LAMA2: variants seen among roughly 807,000 people sequenced by gnomAD.
LAMA2 encodes laminin subunit alpha 2, also known as laminin subunit alpha-2.
Under a neutral mutation model 364.8 loss-of-function variants are expected in LAMA2, and 269 were observed. The ratio of observed to expected loss-of-function variants is 0.74; its 90% CI spans 0.67 to 0.82. LAMA2 has a LOEUF of 0.82. LAMA2 is among the 40% of genes least tolerant of loss of function. The pLI is 0.00. For synonymous variants in LAMA2, 1,379 were observed against 1,370.6 expected, an observed-to-expected ratio of 1.01 and a Z score of -0.14; for missense variants, 3,807 against 3,873.2, an observed-to-expected ratio of 0.98 and a Z score of 0.45.
At position 129,193,413 on chromosome 6, in the gene LAMA2, C is replaced by A. The variant is rs545864722; in HGVS notation, c.1782+560C>A. Among the ~76,000 whole-genome samples, 3 of 152,330 alleles carry A rather than the reference C, an allele frequency of 2.0e-5. No individual in the cohort carries two copies. The East Asian group carries it at 5.8e-4, about 29-fold the overall frequency. On this transcript the variant is annotated intron_variant, in intron 12 of 64. Coordinates refer to ENST00000421865, the MANE Select transcript of LAMA2 (RefSeq NM_000426.4). ...TACCCTAAAAGTGCCAGATTGGAAG[C>A]ACGTTTGTTTTAAAGCCCACACATA...
chr6:129,205,909 A>C (rs529886207), intron 12 of LAMA2, among the ~76,000 whole-genome samples: 24 of 151,552 alleles, frequency 1.6e-4, no homozygotes, highest in Non-Finnish European at 3.4e-4. Flanking sequence ...TGTAGTCCCC[A>C]CTACCAGGGA....
At chr6:129,007,670 C>G (rs1009475060) in intron 1 of LAMA2, among the ~76,000 whole-genome samples, 1 of 152,074 alleles carries the variant, frequency 6.6e-6, no homozygotes, top group African/African-American at 2.4e-5. Context: ...GGGATTTATT[C>G]TAAGGAACTT....
At chr6:129,480,603 C>T (rs1784298813) in intron 54 of LAMA2, among the ~76,000 whole-genome samples, 1 of 152,146 alleles carries the variant, frequency 6.6e-6, no homozygotes, top group African/African-American at 2.4e-5. Context: ...TGCTTCTGCA[C>T]AGCTTTGAGA....
At chr6:128,981,818 T>G (rs750655707) in intron 1 of LAMA2, among the ~76,000 whole-genome samples, 15 of 152,100 alleles carry the variant, frequency 9.9e-5, no homozygotes, top group Non-Finnish European at 1.8e-4. Flanking sequence ...CCTTGGTAAA[T>G]ACTCTTCTTA....
chr6:129,058,675 AAAGCTTCTGT>A (rs1788662497), intron 2 of LAMA2, among the ~76,000 whole-genome samples: 1 of 152,184 alleles, frequency 6.6e-6, no homozygotes, highest in Admixed American at 6.5e-5. Context: ...CTGGCCGCAA[AAAGCTTCTGT>A]AAGGGCCAAG....
At chr6:128,980,507 T>TTG (rs1782797203) in intron 1 of LAMA2, among the ~76,000 whole-genome samples, 1 of 152,150 alleles carries the variant, frequency 6.6e-6, no homozygotes, top group Non-Finnish European at 1.5e-5. Flanking sequence ...AATCACTTTT[T>TTG]TGTGTGTGTG....
chr6:129,439,905 G>C (rs1469528610), intron 42 of LAMA2, among the ~76,000 whole-genome samples: 1 of 149,202 alleles, frequency 6.7e-6, no homozygotes, highest in Non-Finnish European at 1.5e-5. Flanking sequence ...GTAACATTCA[G>C]AATAGTCACT....
intron 12 of LAMA2, among the ~76,000 whole-genome samples, chr6:129,218,770 A>G (rs1436219920): frequency 6.6e-6 from 1 of 152,202 alleles, no homozygotes; most frequent in Non-Finnish European, 1.5e-5. Flanking sequence ...TTCATTTTCT[A>G]TATGTTATAT....
At chr6:128,980,619 ATAAAT>A (rs1401888348) in intron 1 of LAMA2, among the ~76,000 whole-genome samples, 4 of 152,202 alleles carry the variant, frequency 2.6e-5, no homozygotes, top group Middle Eastern at 3.2e-3. Flanking sequence ...ACATCTATAA[ATAAAT>A]AAGCTTATTT....
intron 31 of LAMA2, 152 bp from the exon 32 acceptor site, chr6:129,353,012 A>ACT: frequency 1.8e-6 from 1 of 564,654 alleles, no homozygotes; most frequent in Non-Finnish European, 3.1e-6. Flanking sequence ...TGCAAAGCCT[A>ACT]CTGTTTACTA....
intron 1 of LAMA2, among the ~76,000 whole-genome samples, chr6:128,966,446 C>T (rs963405815): frequency 1.1e-4 from 16 of 151,802 alleles, no homozygotes; most frequent in Admixed American, 6.6e-4. Context: ...TTGGTTTATA[C>T]GCAGGTCCCT....
intron 34 of LAMA2, among the ~76,000 whole-genome samples, chr6:129,382,377 G>A (rs911412868): frequency 6.6e-6 from 1 of 152,118 alleles, no homozygotes; most frequent in East Asian, 1.9e-4. Context: ...CCGTGAACAC[G>A]TTGAATGCAT....
chr6:129,094,699 CTA>C (rs527432741), intron 3 of LAMA2, among the ~76,000 whole-genome samples: 76 of 152,204 alleles, frequency 5.0e-4, no homozygotes, highest in African/African-American at 1.7e-3. Context: ...AAAAAAATCT[CTA>C]TGTTTTTATT....
intron 29 of LAMA2, among the ~76,000 whole-genome samples, chr6:129,330,331 C>A (rs1195206817): frequency 1.3e-5 from 2 of 151,942 alleles, no homozygotes; most frequent in African/African-American, 2.4e-5. Flanking sequence ...AGACGCTGCT[C>A]TACAGCACCC....
intron 4 of LAMA2, among the ~76,000 whole-genome samples, 197 bp downstream of exon 4, chr6:129,098,612 T>C (rs1775326957): frequency 1.3e-5 from 2 of 152,120 alleles, no homozygotes; most frequent in Non-Finnish European, 2.9e-5. Context: ...GTGTCTCCCA[T>C]CTCCAGTAAA....
intron 8 of LAMA2, chr6:129,157,770 T>G: frequency 6.2e-7 from 1 of 1,612,924 alleles, no homozygotes; most frequent in Non-Finnish European, 8.5e-7. Flanking sequence ...TTGGTAGTCT[T>G]CCACGATCCC....
chr6:129,514,635 T>G, intron 64 of LAMA2, 40 bp downstream of exon 64: 1 of 1,466,536 alleles, frequency 6.8e-7, no homozygotes, highest in Non-Finnish European at 9.6e-7. Flanking sequence ...CTTTGCTCTC[T>G]TATGTTACTG....
chr6:129,403,242 G>C, intron 39 of LAMA2, among the ~76,000 whole-genome samples: 1 of 137,760 alleles, frequency 7.3e-6, no homozygotes, highest in East Asian at 2.1e-4. Flanking sequence ...TGAAGACCTT[G>C]GACAATATAT....
Position 129,452,982 on chromosome 6 carries a change from T to A in LAMA2, c.6430-6T>A. On this transcript the variant is annotated splice_polypyrimidine_tract_variant and splice_region_variant and intron_variant, in intron 45 of 64. Transcript: ENST00000421865. ...CTTGGTTCTTTGTATCTTGTTTTTTTTAAAGATCAAAGTATCTGTGTCTTC... is the reference window on the plus strand; with the variant it reads ...CTTGGTTCTTTGTATCTTGTTTTTTATAAAGATCAAAGTATCTGTGTCTTC... 6.2e-7 allele frequency: 1 copy of A among 1,611,716 alleles called. No individual in the cohort carries two copies. The highest frequency in any genetic ancestry group is 2.2e-5 in the East Asian group (1 of 44,694).
Sources: gnomAD v4.1 joint callset for allele counts (sites outside exome capture counted in the v4.1 genomes callset) on GRCh38, gnomAD v4.1.1 for gene constraint, MANE v1.5 for transcripts, NCBI Gene and HGNC (gene_info 2026-07-23, HGNC 2026-07-21) for gene names.